DGKG: variants seen among roughly 807,000 people sequenced by gnomAD.
DGKG encodes DAG kinase gamma.
Under a neutral mutation model 105.3 loss-of-function variants are expected in DGKG, and 78 were observed. The ratio of observed to expected loss-of-function variants is 0.74; its 90% CI spans 0.62 to 0.89. The LOEUF is 0.89. Among genes scored for constraint, DGKG ranks in the 40% least tolerant of loss-of-function variants. DGKG has a pLI of 0.00. For missense variants in DGKG, 958 were observed against 1,020.1 expected, an observed-to-expected ratio of 0.94 and a Z score of 0.83; for synonymous variants, 346 against 367.1, an observed-to-expected ratio of 0.94 and a Z score of 0.66.
At chr3:186,325,650 C>T (rs527449985) in intron 1 of DGKG, among the ~76,000 whole-genome samples, 53 of 151,878 alleles carry the variant, frequency 3.5e-4, no homozygotes, top group African/African-American at 1.3e-3. Context: ...AGAGCTTTCC[C>T]TTCTGTTATT....
At chr3:186,265,665 T>C (rs979448259) in intron 13 of DGKG, among the ~76,000 whole-genome samples, 4 of 138,820 alleles carry the variant, frequency 2.9e-5, no homozygotes, top group African/African-American at 1.1e-4. Context: ...TTCTTTTTTT[T>C]TTTTTTTTTT....
At chr3:186,193,081 C>T (rs1044597707) in intron 21 of DGKG, among the ~76,000 whole-genome samples, 2 of 152,142 alleles carry the variant, frequency 1.3e-5, no homozygotes, top group African/African-American at 2.4e-5. Context: ...CCCCTATTAC[C>T]GCAGTGGGTC....
chr3:186,356,117 C>G (rs1726945984), intron 1 of DGKG, among the ~76,000 whole-genome samples: 1 of 152,166 alleles, frequency 6.6e-6, no homozygotes, highest in African/African-American at 2.4e-5. Flanking sequence ...AGTTATAGTA[C>G]AGAAAGCTGA....
intron 23 of DGKG, among the ~76,000 whole-genome samples, chr3:186,162,123 C>G (rs1233848293): frequency 2.0e-5 from 3 of 152,138 alleles, no homozygotes; most frequent in Non-Finnish European, 1.5e-5. Context: ...CTCAAACTCC[C>G]GACCTCAGGT....
In DGKG at chr3:186,353,650, G is replaced by GTCTATATCTATA. The variant is rs1434710376; in HGVS notation, c.-249+8295_-249+8296insTATAGATATAGA. 7.5e-3 allele frequency among the ~76,000 whole-genome samples: 454 copies of GTCTATATCTATA among 60,836 alleles called. 5 individuals carry two copies. The highest frequency in any genetic ancestry group is 0.02 in the African/African-American group (432 of 21,830). 39.9% of individuals were successfully genotyped at this position (60,836 alleles called of 152,430 possible). On this transcript the variant is annotated intron_variant, in intron 1 of 24. Transcript: ENST00000265022. The stretch of plus-strand genomic sequence containing the variant: ...TATCTATATCTATATCTATATCTAT[G>GTCTATATCTATA]TCTATGTCTATATCTATATCTATAT...
At chr3:186,234,075 G>C (rs1208516750) in intron 20 of DGKG, among the ~76,000 whole-genome samples, 1 of 152,192 alleles carries the variant, frequency 6.6e-6, no homozygotes, top group Non-Finnish European at 1.5e-5. Flanking sequence ...CTTGAGGATG[G>C]CTCTGACCAG....
At chr3:186,180,751 T>A (rs771212888) in intron 22 of DGKG, among the ~76,000 whole-genome samples, 1 of 152,216 alleles carries the variant, frequency 6.6e-6, no homozygotes, top group Non-Finnish European at 1.5e-5. Flanking sequence ...ACAATTATTT[T>A]GGCGTCTCAG....
At chr3:186,199,459 G>A (rs914578502) in intron 21 of DGKG, among the ~76,000 whole-genome samples, 1 of 152,118 alleles carries the variant, frequency 6.6e-6, no homozygotes, top group Non-Finnish European at 1.5e-5. Flanking sequence ...TTGTGAACCA[G>A]CACTTTATAT....
chr3:186,205,783 C>A (rs1299912332), intron 21 of DGKG, among the ~76,000 whole-genome samples: 1 of 151,846 alleles, frequency 6.6e-6, no homozygotes, highest in Non-Finnish European at 1.5e-5. Context: ...AAAATAATGA[C>A]AATATCAATT....
intron 1 of DGKG, among the ~76,000 whole-genome samples, chr3:186,322,588 A>C (rs1725130877): frequency 6.6e-6 from 1 of 152,138 alleles, no homozygotes; most frequent in Non-Finnish European, 1.5e-5. Flanking sequence ...TAAAAGTTAA[A>C]GAAAAAATGG....
At chr3:186,301,739 G>A (rs1723931490) in intron 3 of DGKG, among the ~76,000 whole-genome samples, 1 of 152,182 alleles carries the variant, frequency 6.6e-6, no homozygotes, top group Non-Finnish European at 1.5e-5. Flanking sequence ...AAACTAAATT[G>A]GCAAGTGGAA....
chr3:186,352,070 T>A lies in DGKG; in HGVS notation c.-249+9876A>T, dbSNP rs147175625. 3.0e-3 allele frequency among the ~76,000 whole-genome samples: 455 copies of A among 152,286 alleles called. 2 individuals carry two copies. The highest frequency in any genetic ancestry group is 0.01 in the African/African-American group (435 of 41,550). On this transcript the variant is annotated intron_variant, in intron 1 of 24. Coordinates refer to ENST00000265022, the MANE Select transcript of DGKG (RefSeq NM_001346.3). Reference sequence around the variant, plus strand: ...GAGTGGGACCCACAACTGGTGCTTTTTCAAGGCCCCTCCCCACTCCCCCCA... The same window carrying A: ...GAGTGGGACCCACAACTGGTGCTTTATCAAGGCCCCTCCCCACTCCCCCCA...
intron 22 of DGKG, among the ~76,000 whole-genome samples, chr3:186,168,111 C>T (rs1009741290): frequency 2.0e-5 from 3 of 152,134 alleles, no homozygotes; most frequent in African/African-American, 7.2e-5. Context: ...ATGTGTGGGG[C>T]TGGAAAGTCA....
At position 186,203,206 on chromosome 3, in the gene DGKG, C is replaced by T. The variant is rs1377912605; in HGVS notation, c.1917+8589G>A. 6.6e-6 allele frequency among the ~76,000 whole-genome samples: 1 copy of T among 152,162 alleles called. No individual in the cohort carries two copies. The highest frequency in any genetic ancestry group is 1.5e-5 in the Non-Finnish European group (1 of 68,038). Reference sequence around the variant, plus strand: ...TAGTGAAGGAAACTCGTAGTCAGTGCACGACTGAAAGAGACAGAGATGGGG... The same window carrying T: ...TAGTGAAGGAAACTCGTAGTCAGTGTACGACTGAAAGAGACAGAGATGGGG... On this transcript the variant is annotated intron_variant, in intron 21 of 24. Transcript: ENST00000265022. This position sits in a 1 kb window ranked among gnomAD's most constrained non-coding sequence, Gnocchi z 4.9.
chr3:186,278,600 G>T (rs1033191995), intron 9 of DGKG, among the ~76,000 whole-genome samples: 1 of 152,188 alleles, frequency 6.6e-6, no homozygotes, highest in Non-Finnish European at 1.5e-5. Context: ...TAAGAAGGGG[G>T]TCATGTAGAT....
At chr3:186,234,825 T>C (rs1327271456) in intron 20 of DGKG, among the ~76,000 whole-genome samples, 3 of 152,180 alleles carry the variant, frequency 2.0e-5, no homozygotes, top group African/African-American at 7.2e-5. Context: ...TGTGATTTCA[T>C]CATATTATTT....
intron 9 of DGKG, among the ~76,000 whole-genome samples, chr3:186,276,298 C>T (rs763898580): frequency 7.2e-5 from 11 of 151,934 alleles, no homozygotes; most frequent in Non-Finnish European, 1.5e-4. Flanking sequence ...CAATGTTAAG[C>T]GAAAAAACAG....
intron 21 of DGKG, among the ~76,000 whole-genome samples, chr3:186,209,088 C>CTTT (rs1560096022): frequency 2.4e-5 from 3 of 124,904 alleles, no homozygotes; most frequent in Admixed American, 9.0e-5. Context: ...CTTCAGTTTA[C>CTTT]TCTTCTTTTT....
At chr3:186,307,281 C>A (rs1171034256) in intron 2 of DGKG, among the ~76,000 whole-genome samples, 2 of 152,214 alleles carry the variant, frequency 1.3e-5, no homozygotes, top group African/African-American at 4.8e-5. Flanking sequence ...AGAAGATAAG[C>A]CCTTAACTTG....
Sources: allele counts gnomAD v4.1 joint callset (sites outside exome capture counted in the v4.1 genomes callset), GRCh38; gene constraint gnomAD v4.1.1; non-coding constraint Gnocchi (gnomAD v3.1); transcripts MANE v1.5; gene names NCBI Gene and HGNC (gene_info 2026-07-23, HGNC 2026-07-21).